NID2: variants seen among roughly 807,000 people sequenced by gnomAD.
NID2 encodes nidogen-2.
NID2 carries 83 observed loss-of-function variants against 145.4 expected under a neutral mutation model. The ratio of observed to expected loss-of-function variants is 0.57; its 90% confidence interval spans 0.48 to 0.69. The LOEUF (loss-of-function observed/expected upper bound fraction) is 0.69, where lower values mean the gene tolerates loss of function less well. Among genes scored for constraint, NID2 ranks in the 30% least tolerant of loss-of-function variants. The pLI, the probability that NID2 is intolerant of heterozygous loss-of-function variation, is 0.00. For missense variants in NID2, 1,807 were observed against 1,765.7 expected (o/e 1.02, Z -0.42); for synonymous variants, 739 against 701.3 (o/e 1.05, Z -0.85).
intron 16 of NID2, chr14:52,011,959 A>G: frequency 1.1e-5 from 4 of 350,666 alleles, no homozygotes; most frequent in Non-Finnish European, 1.1e-5. Context: ...TATAAAAATT[A>G]ATACTATAAG....
chr14:52,038,820 C>CCGGTCCA lies in NID2; in HGVS notation c.2177_2183dup (p.Val729GlyfsTer8). On this transcript the variant is annotated frameshift_variant, in exon 9 of 22. Coordinates refer to ENST00000216286, the MANE Select transcript of NID2 (RefSeq NM_007361.4). LOFTEE classifies it high-confidence loss of function. ...CTTCGTCATTATACAAGGCAAAGAC[C>CCGGTCCA]CGGTCCACGTTCAGCTGCTGGGTGG... 1.2e-6 allele frequency: 2 copies of CCGGTCCA among 1,613,528 alleles called. No individual in the cohort carries two copies. The highest frequency in any genetic ancestry group is 1.7e-6 in the Non-Finnish European group (2 of 1,179,832).
At chr14:52,006,202 A>C (rs1890774802) in intron 20 of NID2, 5 of 396,582 alleles carry the variant, frequency 1.3e-5, no homozygotes, top group African/African-American at 2.0e-5. Flanking sequence ...AAGCCCTGTA[A>C]TATAGCTCAT....
At chr14:52,023,725 A>T (rs1388279299) in intron 12 of NID2, among the ~76,000 whole-genome samples, 1 of 152,198 alleles carries the variant, frequency 6.6e-6, no homozygotes, top group Non-Finnish European at 1.5e-5. Context: ...CACCAACACA[A>T]GTTTGAAATC....
intron 15 of NID2, 128 bp downstream of exon 15, chr14:52,014,926 T>C (rs1442854005): frequency 5.2e-6 from 4 of 762,514 alleles, no homozygotes; most frequent in Non-Finnish European, 8.7e-6. Flanking sequence ...TAAATCAACA[T>C]AGCACATAGT....
chr14:52,045,890 C>T (rs1892473273), intron 5 of NID2, among the ~76,000 whole-genome samples: 1 of 50,910 alleles, frequency 2.0e-5, no homozygotes, highest in Non-Finnish European at 3.6e-5. Flanking sequence ...TTTGTGGAAA[C>T]TATGCAAACT....
At position 52,060,144 on chromosome 14, in the gene NID2, C is replaced by T. The variant is rs139166058; in HGVS notation, c.747G>A (p.Gln249=). 4 of 1,604,538 alleles carry T rather than the reference C, an allele frequency of 2.5e-6. No homozygotes were observed. Among genetic ancestry groups the T allele is most frequent in the Non-Finnish European group, 3.4e-6 (4 of 1,172,812 alleles). ...CTTACTGATAGAGATTTTTCACAGA[C>T]TGTTCAGTGCTAGTCAAGCTGAAAT... The part of the protein sequence containing the change: ...GPYFSLTSTE[Q]SVKNLYQLSN... The change falls in exon 3 of 22, where the codon CAG becomes CAA. Residue 249 remains glutamine, a synonymous_variant. Transcript: ENST00000216286.
At chr14:52,052,394 C>T (rs1054479104) in intron 5 of NID2, among the ~76,000 whole-genome samples, 13 of 152,170 alleles carry the variant, frequency 8.5e-5, no homozygotes, top group African/African-American at 2.7e-4. Context: ...AGTGCAGACA[C>T]GAAGCCAAGA....
intron 2 of NID2, among the ~76,000 whole-genome samples, chr14:52,060,961 G>A (rs1394758715): frequency 6.6e-6 from 1 of 152,136 alleles, no homozygotes; most frequent in Non-Finnish European, 1.5e-5. Context: ...AAAGACACAG[G>A]GGCTAACAGG....
At chr14:52,018,524 TG>T (rs1158913167) in intron 14 of NID2, among the ~76,000 whole-genome samples, 19 of 152,328 alleles carry the variant, frequency 1.2e-4, no homozygotes, top group African/African-American at 4.6e-4. Context: ...TCCTCTGAGA[TG>T]TTGGGCTGGG....
intron 2 of NID2, among the ~76,000 whole-genome samples, chr14:52,066,340 G>T (rs954540269): frequency 6.6e-6 from 1 of 151,104 alleles, no homozygotes; most frequent in African/African-American, 2.4e-5. Flanking sequence ...AAAAATAGAA[G>T]GAATGAATAA....
intron 16 of NID2, 66 bp from the exon 17 acceptor site, chr14:52,011,749 G>C: frequency 6.3e-7 from 1 of 1,588,698 alleles, no homozygotes; most frequent in Non-Finnish European, 8.6e-7. Context: ...ACACTCAGCT[G>C]CCTTGCTCAT....
chr14:52,048,396 C>A (rs1380408675), intron 5 of NID2, among the ~76,000 whole-genome samples: 4 of 152,172 alleles, frequency 2.6e-5, no homozygotes, highest in Non-Finnish European at 5.9e-5. Context: ...AACGTGACTG[C>A]TCAAATTTCT....
intron 16 of NID2, among the ~76,000 whole-genome samples, chr14:52,013,589 G>A (rs943735056): frequency 2.6e-5 from 4 of 152,126 alleles, no homozygotes; most frequent in African/African-American, 4.8e-5. Flanking sequence ...CCACTGTGTC[G>A]ATGCCATTCG....
At chr14:52,036,077 C>A (rs2645749) in intron 9 of NID2, among the ~76,000 whole-genome samples, 121,181 of 151,012 alleles carry the variant, frequency 0.8, 48,763 homozygotes, top group South Asian at 0.92. Flanking sequence ...ACAATTTCGT[C>A]TATTCAGTGT....
At chr14:52,012,877 A>AG (rs1367738565) in intron 16 of NID2, among the ~76,000 whole-genome samples, 8 of 152,188 alleles carry the variant, frequency 5.3e-5, no homozygotes, top group Admixed American at 5.2e-4. Flanking sequence ...AGGTCATACA[A>AG]GTTCCTGCCT....
Position 52,038,753 on chromosome 14 carries a change from C to A in NID2, c.2251G>T (p.Val751Phe). The A allele has an allele frequency of 1.3e-6, 2 of 1,568,312 alleles. No homozygotes were observed. The highest frequency in any genetic ancestry group is 1.7e-6 in the Non-Finnish European group (2 of 1,158,346). Reference sequence around the variant, plus strand: ...ACAAAAAAGGAAACCTTACCTTTGACCGGGCCAATTTGATTGGTCACAGCA... The same window carrying A: ...ACAAAAAAGGAAACCTTACCTTTGAACGGGCCAATTTGATTGGTCACAGCA... ...RFAVTNQIGP[V>F]KEDSDPTPGN... The change falls in exon 9 of 22, where the codon GTC (valine) becomes TTC (phenylalanine). Residue 751 changes from valine to phenylalanine, a missense_variant. Transcript: ENST00000216286.
chr14:52,005,165 A>G lies in NID2; in HGVS notation c.*321T>C, dbSNP rs540816510. On this transcript the variant is annotated 3_prime_UTR_variant, in exon 22 of 22. Transcript: ENST00000216286. ...GCAAAAATCAGGTTTAGAGTCTTAAACTCTAATTCTTAGTTGAATGAATTT... is the reference window on the plus strand; with the variant it reads ...GCAAAAATCAGGTTTAGAGTCTTAAGCTCTAATTCTTAGTTGAATGAATTT... The G allele has an allele frequency of 3.9e-5, 9 of 231,296 alleles. No individual in the cohort carries two copies. In the South Asian group the frequency reaches 1.4e-3, roughly 35 times the overall value. 14.3% of individuals were successfully genotyped at this position (231,296 alleles called of 1,614,324 possible). A position where few individuals can be genotyped will look rare whatever the true frequency, so the allele number is the denominator to read the frequency against.
intron 5 of NID2, among the ~76,000 whole-genome samples, chr14:52,053,274 A>G (rs994184012): frequency 2.0e-5 from 3 of 152,266 alleles, no homozygotes; most frequent in African/African-American, 4.8e-5. Flanking sequence ...TCAAACTGAA[A>G]TAGTTCATTA....
intron 16 of NID2, among the ~76,000 whole-genome samples, chr14:52,012,989 A>T (rs964045827): frequency 6.6e-6 from 1 of 152,206 alleles, no homozygotes; most frequent in Non-Finnish European, 1.5e-5. Context: ...GTGGAAAAAC[A>T]GGCAGCTTAT....
Sources: allele counts gnomAD v4.1 joint callset (sites outside exome capture counted in the v4.1 genomes callset), GRCh38; gene constraint gnomAD v4.1.1; transcripts MANE v1.5; gene names NCBI Gene and HGNC (gene_info 2026-07-23, HGNC 2026-07-21).